The following TFAP2D variants were observed in gnomAD, a reference collection of about 807,000 sequenced individuals.
TFAP2D encodes transcription factor AP-2 delta.
Under a neutral mutation model 43.6 loss-of-function variants are expected in TFAP2D, and 9 were observed. The ratio of observed to expected loss-of-function variants is 0.21; its 90% CI spans 0.12 to 0.36. The LOEUF (loss-of-function observed/expected upper bound fraction) is 0.36. TFAP2D is among the 10% of genes least tolerant of loss of function. The pLI, the probability that TFAP2D is intolerant of heterozygous loss-of-function variation, is 1.00. For synonymous variants in TFAP2D, 256 were observed against 224.9 expected (o/e 1.14, Z -1.24); for missense variants, 513 against 561.4 (o/e 0.91, Z 0.87).
intron 7 of TFAP2D, among the ~76,000 whole-genome samples, chr6:50,760,504 C>T (rs1037418101): frequency 4.6e-5 from 7 of 151,970 alleles, no homozygotes; most frequent in Non-Finnish European, 7.4e-5. Context: ...AACCACAGAA[C>T]ATTTGAGAGT....
intron 7 of TFAP2D, among the ~76,000 whole-genome samples, chr6:50,755,429 TA>T (rs35437406): frequency 0.016 from 2,247 of 141,456 alleles, 47 homozygotes; most frequent in African/African-American, 0.049. Context: ...CTTGAAACTG[TA>T]AAAAAAAAAA....
In TFAP2D at chr6:50,715,099, C is replaced by T; in HGVS notation, c.40-17C>T. 2 of 1,606,770 alleles carry T rather than the reference C, an allele frequency of 1.2e-6. No homozygotes were observed. The highest frequency in any genetic ancestry group is 1.1e-5 in the South Asian group (1 of 90,940). On this transcript the variant is annotated splice_polypyrimidine_tract_variant and intron_variant, in intron 1 of 7. Transcript: ENST00000008391. ...CTCAAGTTTTTCTGCTCTCCCTTTT[C>T]CCCCTCTTCCTTCCAGATACGTCAC... is the stretch of plus-strand genomic sequence containing the variant.
chr6:50,756,756 G>T (rs1254365132), intron 7 of TFAP2D, among the ~76,000 whole-genome samples: 5 of 151,974 alleles, frequency 3.3e-5, no homozygotes, highest in Admixed American at 2.0e-4. Context: ...CGAGAAGGGG[G>T]AAAAGATTTG....
intron 7 of TFAP2D, among the ~76,000 whole-genome samples, chr6:50,767,002 G>A (rs1311944060): frequency 6.6e-6 from 1 of 152,066 alleles, no homozygotes; most frequent in African/African-American, 2.4e-5. Context: ...TTTTCACATA[G>A]TTCACTGGTA....
At chr6:50,733,405 A>G (rs1768920269) in intron 5 of TFAP2D, among the ~76,000 whole-genome samples, 1 of 152,032 alleles carries the variant, frequency 6.6e-6, no homozygotes. Flanking sequence ...TCTAGTATCT[A>G]CAATATCAGA....
At chr6:50,715,914 A>G (rs1301899611) in intron 2 of TFAP2D, among the ~76,000 whole-genome samples, 1 of 152,166 alleles carries the variant, frequency 6.6e-6, no homozygotes, top group Non-Finnish European at 1.5e-5. Context: ...TTGTCCTCAC[A>G]GAAGTCTTTT....
intron 6 of TFAP2D, among the ~76,000 whole-genome samples, chr6:50,747,816 G>A (rs1769145891): frequency 6.6e-6 from 1 of 151,994 alleles, no homozygotes; most frequent in Admixed American, 6.6e-5. Flanking sequence ...TATTTGACCA[G>A]GTAGTAGTAT....
Position 50,772,927 on chromosome 6 carries a change from T to A in TFAP2D, c.*63T>A, listed in dbSNP as rs1769557098. ...GCTGATATTTTTTCTAATATATATA[T>A]CATTGAGGGTGACTAATCTTCAGTG... On this transcript the variant is annotated 3_prime_UTR_variant, in exon 8 of 8. Transcript: ENST00000008391. The A allele has an allele frequency of 6.9e-7, 1 of 1,445,182 alleles. No individual in the cohort carries two copies. Among genetic ancestry groups the A allele is most frequent in the Non-Finnish European group, 9.4e-7 (1 of 1,059,978 alleles). 89.5% of individuals were successfully genotyped at this position (1,445,182 alleles called of 1,614,324 possible).
At chr6:50,759,155 A>G (rs1249759430) in intron 7 of TFAP2D, among the ~76,000 whole-genome samples, 1 of 152,052 alleles carries the variant, frequency 6.6e-6, no homozygotes, top group Non-Finnish European at 1.5e-5. Flanking sequence ...GAACACATAC[A>G]TTGTGGAAGA....
chr6:50,752,349 A>G (rs1432961538), intron 7 of TFAP2D, among the ~76,000 whole-genome samples: 1 of 151,926 alleles, frequency 6.6e-6, no homozygotes, highest in Non-Finnish European at 1.5e-5. Flanking sequence ...AGAACATGTA[A>G]TTACTCAGGT....
At chr6:50,734,621 G>A (rs1403168673) in intron 5 of TFAP2D, among the ~76,000 whole-genome samples, 1 of 152,052 alleles carries the variant, frequency 6.6e-6, no homozygotes, top group Non-Finnish European at 1.5e-5. Context: ...AATGGTGGAA[G>A]TATACTGCTT....
intron 7 of TFAP2D, among the ~76,000 whole-genome samples, chr6:50,757,703 A>ATATATATAGAATATATATAATTATTC (rs70974546): frequency 6.0e-5 from 5 of 83,362 alleles, no homozygotes; most frequent in South Asian, 3.5e-4. Context: ...TAATTATTCT[A>ATATATATAGAATATATATAATTATTC]TATATATAGA....
chr6:50,733,890 AG>A (rs1443058302), intron 5 of TFAP2D, among the ~76,000 whole-genome samples: 1 of 152,104 alleles, frequency 6.6e-6, no homozygotes, highest in Non-Finnish European at 1.5e-5. Context: ...GGGTTCTGAA[AG>A]TATAGATTAT....
At chr6:50,749,523 C>T (rs1769170376) in intron 6 of TFAP2D, among the ~76,000 whole-genome samples, 1 of 151,762 alleles carries the variant, frequency 6.6e-6, no homozygotes, top group South Asian at 2.1e-4. Flanking sequence ...ACCTACCATA[C>T]AGTAATTTGG....
intron 5 of TFAP2D, among the ~76,000 whole-genome samples, chr6:50,744,141 A>G (rs1401858496): frequency 2.0e-5 from 3 of 152,098 alleles, no homozygotes; most frequent in African/African-American, 7.2e-5. Flanking sequence ...TTATTTCATC[A>G]CCCAGGTAAT....
At chr6:50,748,297 T>G (rs1769153350) in intron 6 of TFAP2D, among the ~76,000 whole-genome samples, 1 of 151,978 alleles carries the variant, frequency 6.6e-6, no homozygotes, top group Non-Finnish European at 1.5e-5. Context: ...TTTCATCAAT[T>G]AAAATGGTAA....
intron 3 of TFAP2D, among the ~76,000 whole-genome samples, chr6:50,722,910 C>A (rs1017684513): frequency 1.3e-5 from 2 of 152,170 alleles, no homozygotes; most frequent in African/African-American, 2.4e-5. Context: ...CAGCCCCAGG[C>A]TAATTTCAGA....
intron 3 of TFAP2D, among the ~76,000 whole-genome samples, chr6:50,724,649 G>A (rs1050326942): frequency 6.6e-6 from 1 of 152,036 alleles, no homozygotes; most frequent in Admixed American, 6.6e-5. Context: ...GCGGCTCCTT[G>A]GAGACAGCCG....
Position 50,754,344 on chromosome 6 carries a change from A to ATG in TFAP2D, c.1139+3036_1139+3037dup, listed in dbSNP as rs146556247. 2.2e-3 allele frequency among the ~76,000 whole-genome samples: 323 copies of ATG among 148,270 alleles called. 1 individual carries two copies. The highest frequency in any genetic ancestry group is 2.2e-3 in the Non-Finnish European group (146 of 67,046). ...ATGCACAATATTTCTGTGTGTGTGT[A>ATG]TGTGTGTGTGTGTGTGTAAGTGTGT... On this transcript the variant is annotated intron_variant, in intron 7 of 7. Coordinates refer to ENST00000008391, the MANE Select transcript of TFAP2D (RefSeq NM_172238.4).
Sources: allele counts gnomAD v4.1 joint callset (sites outside exome capture counted in the v4.1 genomes callset), GRCh38; gene constraint gnomAD v4.1.1; transcripts MANE v1.5; gene names NCBI Gene and HGNC (gene_info 2026-07-23, HGNC 2026-07-21).